The following TDRP variants were observed in gnomAD, a reference collection of about 807,000 sequenced individuals.
TDRP encodes the protein testis development-related protein.
In TDRP, 12 loss-of-function variants were observed where a neutral mutation model predicts 10.5. The observed-to-expected ratio is 1.15, with a 90% CI of 0.73 to 1.86. The LOEUF (loss-of-function observed/expected upper bound fraction) is 1.86, where lower values mean the gene tolerates loss of function less well. TDRP is among the 40% of genes most tolerant of loss of function. The probability of loss-of-function intolerance (pLI) is 0.00; values close to 1 mark genes in which losing one functional copy is unlikely to be tolerated. For synonymous variants in TDRP, 139 were observed against 95.4 expected, an observed-to-expected ratio of 1.46 and a Z score of -2.67; for missense variants, 353 against 229.2, an observed-to-expected ratio of 1.54 and a Z score of -3.49.
intron 1 of TDRP, among the ~76,000 whole-genome samples, chr8:502,966 C>T (rs1801345948): frequency 6.6e-6 from 1 of 151,800 alleles, no homozygotes; most frequent in Non-Finnish European, 1.5e-5. Flanking sequence ...AACCAATGCC[C>T]ATCTCAGCAC....
intron 1 of TDRP, among the ~76,000 whole-genome samples, chr8:536,569 A>T (rs1421568528): frequency 6.6e-6 from 1 of 152,248 alleles, no homozygotes; most frequent in Non-Finnish European, 1.5e-5. Context: ...ATACATATTA[A>T]TATCTTGTGC....
intron 1 of TDRP, among the ~76,000 whole-genome samples, chr8:521,382 A>C (rs1801901112): frequency 6.7e-6 from 1 of 149,718 alleles, no homozygotes; most frequent in South Asian, 2.2e-4. Context: ...ACACCACTGC[A>C]CTCCAGCCTG....
intron 1 of TDRP, among the ~76,000 whole-genome samples, chr8:524,861 A>G (rs565559893): frequency 1.3e-5 from 2 of 152,286 alleles, no homozygotes; most frequent in East Asian, 3.9e-4. Context: ...GCCTTAAACA[A>G]GAAGTAGAGA....
intron 1 of TDRP, among the ~76,000 whole-genome samples, chr8:512,471 G>A (rs888568481): frequency 6.6e-6 from 1 of 151,742 alleles, no homozygotes; most frequent in African/African-American, 2.4e-5. Context: ...GATAAATCTT[G>A]AAACTGACCA....
At chr8:544,577 C>A (rs1802584232) in intron 1 of TDRP, 73 bp downstream of exon 1, 11 of 1,059,666 alleles carry the variant, frequency 1.0e-5, no homozygotes, top group African/African-American at 1.6e-5. Flanking sequence ...CCTCCACCTG[C>A]GCGCCGCCCA....
intron 1 of TDRP, among the ~76,000 whole-genome samples, chr8:533,437 T>A (rs535604186): frequency 3.3e-5 from 5 of 152,246 alleles, no homozygotes; most frequent in Admixed American, 1.3e-4. Flanking sequence ...CATCTCCACA[T>A]CCAAAGGCAC....
At chr8:506,587 G>C (rs1474251859) in intron 1 of TDRP, among the ~76,000 whole-genome samples, 2 of 152,164 alleles carry the variant, frequency 1.3e-5, no homozygotes, top group Non-Finnish European at 2.9e-5. Context: ...CACCCTTCCT[G>C]GGCTCGAGAG....
At chr8:505,418 A>T (rs1399120193) in intron 1 of TDRP, among the ~76,000 whole-genome samples, 1 of 152,220 alleles carries the variant, frequency 6.6e-6, no homozygotes, top group Non-Finnish European at 1.5e-5. Flanking sequence ...AAGATGTGTA[A>T]AATTTCTCTT....
intron 1 of TDRP, among the ~76,000 whole-genome samples, chr8:498,970 C>A (rs1423013741): frequency 6.6e-6 from 1 of 152,082 alleles, no homozygotes; most frequent in East Asian, 1.9e-4. Context: ...CTGAGGCCTC[C>A]CCAGCCACAT....
intron 1 of TDRP, among the ~76,000 whole-genome samples, chr8:524,696 G>C (rs546340700): frequency 1.3e-5 from 2 of 152,262 alleles, no homozygotes; most frequent in South Asian, 4.1e-4. Context: ...CTCAAAAGTA[G>C]AATTGATGAG....
chr8:512,644 G>C (rs1801649938), intron 1 of TDRP, among the ~76,000 whole-genome samples: 1 of 151,066 alleles, frequency 6.6e-6, no homozygotes, highest in Non-Finnish European at 1.5e-5. Flanking sequence ...TACCAAAACT[G>C]ACTCAAGAAG....
chr8:534,976 C>T (rs112672890), intron 1 of TDRP, among the ~76,000 whole-genome samples: 1 of 152,154 alleles, frequency 6.6e-6, no homozygotes. Context: ...ACAACGCATT[C>T]TGAGTAAAAA....
intron 1 of TDRP, among the ~76,000 whole-genome samples, chr8:497,042 T>C (rs1801155627): frequency 6.6e-6 from 1 of 152,226 alleles, no homozygotes; most frequent in South Asian, 2.1e-4. Context: ...GGTAGTTCTT[T>C]ATAGCAGTGT....
rs539399560 is a variant in TDRP at position 495,738 on chromosome 8, G to A, written c.109-1141C>T. ...GAAAGCTGACCTGAGGCTGCAGCATGACACTGATCCGAGACAAGGATAATG... is the reference window on the plus strand; with the variant it reads ...GAAAGCTGACCTGAGGCTGCAGCATAACACTGATCCGAGACAAGGATAATG... On this transcript the variant is annotated intron_variant, in intron 1 of 2. Coordinates refer to ENST00000324079, the MANE Select transcript of TDRP (RefSeq NM_001384899.1). Among the ~76,000 whole-genome samples the A allele has an allele frequency of 2.0e-5, 3 of 152,330 alleles. No individual in the cohort carries two copies. In the East Asian group the frequency reaches 5.8e-4, roughly 29 times the overall value.
At chr8:530,318 C>G (rs1055495121) in intron 1 of TDRP, among the ~76,000 whole-genome samples, 1 of 152,106 alleles carries the variant, frequency 6.6e-6, no homozygotes, top group Non-Finnish European at 1.5e-5. Flanking sequence ...ATTTTGAATT[C>G]TTTGTCAGAT....
At chr8:499,413 T>C (rs1393173092) in intron 1 of TDRP, among the ~76,000 whole-genome samples, 19 of 152,140 alleles carry the variant, frequency 1.2e-4, no homozygotes, top group Admixed American at 2.0e-4. Context: ...TGGTCTCCAC[T>C]AACCACACCA....
At chr8:533,414 G>A (rs994378628) in intron 1 of TDRP, among the ~76,000 whole-genome samples, 5 of 152,154 alleles carry the variant, frequency 3.3e-5, no homozygotes, top group African/African-American at 1.2e-4. Context: ...ACCTGCAGCT[G>A]CTTTTCTGCC....
intron 1 of TDRP, among the ~76,000 whole-genome samples, chr8:505,493 C>T (rs138254547): frequency 7.9e-5 from 12 of 152,282 alleles, no homozygotes; most frequent in East Asian, 1.9e-4. Context: ...TACTGCGAAC[C>T]GAAATCCAGA....
In TDRP at chr8:491,650, A is replaced by G. The variant is rs1261502272; in HGVS notation, c.*749T>C. 1.2e-5 allele frequency: 18 copies of G among 1,531,004 alleles called. No homozygotes were observed. The highest frequency in any genetic ancestry group is 1.4e-5 in the Non-Finnish European group (16 of 1,145,264). 94.8% of individuals were successfully genotyped at this position (1,531,004 alleles called of 1,614,324 possible). The stretch of plus-strand genomic sequence containing the variant: ...TAAATGAAATTATCAACTGACTAAA[A>G]TTGATCCATACTTCTTTAATCTGTA... On this transcript the variant is annotated 3_prime_UTR_variant, in exon 3 of 3. Coordinates refer to ENST00000324079, the MANE Select transcript of TDRP (RefSeq NM_001384899.1).
Sources: allele counts gnomAD v4.1 joint callset (sites outside exome capture counted in the v4.1 genomes callset), GRCh38; gene constraint gnomAD v4.1.1; transcripts MANE v1.5; gene names NCBI Gene and HGNC (gene_info 2026-07-23, HGNC 2026-07-21).